The following NALCN variants were observed in gnomAD, a reference collection of about 807,000 sequenced individuals.
NALCN encodes the protein sodium leak channel NALCN.
A neutral mutation model predicts 225.3 loss-of-function variants in NALCN; 111 were observed. The ratio of observed to expected loss-of-function variants is 0.49; its 90% CI spans 0.42 to 0.58. The LOEUF is 0.58. Among genes scored for constraint, NALCN ranks in the 20% least tolerant of loss-of-function variants. The pLI, the probability that NALCN is intolerant of heterozygous loss-of-function variation, is 0.00. For synonymous variants in NALCN, 764 were observed against 769.0 expected (o/e 0.99, Z 0.11); for missense variants, 1,378 against 2,202.4 (o/e 0.63, Z 7.49).
chr13:101,310,659 A>T (rs1188943358), intron 7 of NALCN, among the ~76,000 whole-genome samples: 1 of 151,996 alleles, frequency 6.6e-6, no homozygotes, highest in Non-Finnish European at 1.5e-5. Context: ...CTTTGGTAGA[A>T]TTTGTCAACT....
intron 1 of NALCN, among the ~76,000 whole-genome samples, chr13:101,400,394 G>A (rs1327523267): frequency 6.6e-6 from 1 of 152,058 alleles, no homozygotes; most frequent in Admixed American, 6.5e-5. Context: ...AAAAAAAAGA[G>A]GCTGAGTCAG....
At chr13:101,387,173 A>T (rs1359098512) in intron 3 of NALCN, among the ~76,000 whole-genome samples, 1 of 133,906 alleles carries the variant, frequency 7.5e-6, no homozygotes, top group East Asian at 2.4e-4. Context: ...GTGAGCCGAG[A>T]TTGCGCCACT....
intron 6 of NALCN, among the ~76,000 whole-genome samples, chr13:101,369,312 T>G (rs572395263): frequency 1.3e-5 from 2 of 152,254 alleles, no homozygotes; most frequent in Admixed American, 1.3e-4. Flanking sequence ...AAATTTTTCA[T>G]GGTGAACTTC....
intron 39 of NALCN, 100 bp downstream of exon 39, chr13:101,067,818 C>G: frequency 1.2e-6 from 1 of 815,326 alleles, no homozygotes; most frequent in East Asian, 2.5e-5. Flanking sequence ...TTTAAAAATT[C>G]AATCTGTGTC....
At chr13:101,094,715 C>G (rs539301364) in intron 28 of NALCN, among the ~76,000 whole-genome samples, 1 of 151,938 alleles carries the variant, frequency 6.6e-6, no homozygotes, top group Non-Finnish European at 1.5e-5. Context: ...TATTGGATTA[C>G]GTATAAAAGC....
At chr13:101,222,171 A>G (rs2040965652) in intron 13 of NALCN, among the ~76,000 whole-genome samples, 1 of 152,118 alleles carries the variant, frequency 6.6e-6, no homozygotes, top group Non-Finnish European at 1.5e-5. Flanking sequence ...CATTTATAAA[A>G]TCTGGTCCCT....
At chr13:101,244,126 T>G (rs7984879) in intron 11 of NALCN, among the ~76,000 whole-genome samples, 50,986 of 117,796 alleles carry the variant, frequency 0.43, 11,851 homozygotes, top group Non-Finnish European at 0.48. Flanking sequence ...AGGCATTCAT[T>G]ACATCATCTC....
intron 7 of NALCN, among the ~76,000 whole-genome samples, chr13:101,305,493 T>G (rs2044125111): frequency 6.6e-6 from 1 of 152,214 alleles, no homozygotes; most frequent in Admixed American, 6.5e-5. Context: ...CCTATTTAAT[T>G]TTTCCAGCCT....
rs573098638 is a variant in NALCN at position 101,296,366 on chromosome 13, C to G, written c.800-4000G>C. ...ATTCTTCCTCAATATTAATACTGCA[C>G]AGATAATTTGGAAACTATTTTGTAG... On this transcript the variant is annotated intron_variant, in intron 7 of 43. Coordinates refer to ENST00000251127, the MANE Select transcript of NALCN (RefSeq NM_052867.4). Among the ~76,000 whole-genome samples the G allele has an allele frequency of 1.1e-4, 17 of 152,298 alleles. No individual in the cohort carries two copies. The East Asian group carries it at 3.3e-3, about 29-fold the overall frequency.
chr13:101,258,132 T>C (rs1162630661), intron 11 of NALCN, among the ~76,000 whole-genome samples: 2 of 152,068 alleles, frequency 1.3e-5, no homozygotes, highest in Admixed American at 6.6e-5. Flanking sequence ...AACAAACTAA[T>C]GTACGCTGAG....
chr13:101,211,322 C>T (rs1009976415), intron 13 of NALCN, among the ~76,000 whole-genome samples: 1 of 152,182 alleles, frequency 6.6e-6, no homozygotes. Context: ...AAAATAGGTT[C>T]TCCCTGAAAG....
intron 15 of NALCN, among the ~76,000 whole-genome samples, chr13:101,163,202 C>CTATA (rs35489402): frequency 0.068 from 10,252 of 150,824 alleles, 399 homozygotes; most frequent in East Asian, 0.13. Flanking sequence ...CATGCCTGGC[C>CTATA]TATATATATA....
chr13:101,117,049 C>A, intron 18 of NALCN: 1 of 473,348 alleles, frequency 2.1e-6, no homozygotes, highest in East Asian at 6.3e-5. Context: ...AGTGGATACC[C>A]CACTCCTTTG....
intron 10 of NALCN, among the ~76,000 whole-genome samples, chr13:101,266,198 T>C (rs764494550): frequency 2.6e-5 from 4 of 152,190 alleles, no homozygotes; most frequent in African/African-American, 7.2e-5. Flanking sequence ...ACTCTCATTA[T>C]TTCAGTCTTG....
chr13:101,323,776 CACATGTACTA>C (rs1471825324), intron 7 of NALCN, among the ~76,000 whole-genome samples: 23 of 152,188 alleles, frequency 1.5e-4, no homozygotes, highest in Non-Finnish European at 2.1e-4. Context: ...GGGAAACAGT[CACATGTACTA>C]ACATGTAAGT....
At chr13:101,399,302 A>C (rs767716710) in intron 1 of NALCN, 137 bp from the exon 2 acceptor site, 1 of 480,558 alleles carries the variant, frequency 2.1e-6, no homozygotes, top group Non-Finnish European at 3.6e-6. Context: ...ATATGAAAAT[A>C]GAAACTTTAA....
intron 6 of NALCN, among the ~76,000 whole-genome samples, chr13:101,345,737 A>AAAATATATATATATATATATATAT (rs2045700589): frequency 3.5e-5 from 3 of 86,654 alleles, no homozygotes; most frequent in Non-Finnish European, 6.4e-5. Context: ...CAGCAAAGAG[A>AAAATATATATATATATATATATAT]ATATATATAT....
At chr13:101,185,042 A>G (rs2039392073) in intron 14 of NALCN, among the ~76,000 whole-genome samples, 1 of 152,164 alleles carries the variant, frequency 6.6e-6, no homozygotes, top group Non-Finnish European at 1.5e-5. Context: ...GCAGGAATCA[A>G]TGTCCCACAC....
intron 15 of NALCN, among the ~76,000 whole-genome samples, chr13:101,147,605 T>G (rs2037417246): frequency 6.6e-6 from 1 of 152,158 alleles, no homozygotes. Flanking sequence ...GATCTTGCAA[T>G]GTTGCCCAGG....
Sources: gnomAD v4.1 joint callset for allele counts (sites outside exome capture counted in the v4.1 genomes callset) on GRCh38, gnomAD v4.1.1 for gene constraint, MANE v1.5 for transcripts, NCBI Gene and HGNC (gene_info 2026-07-23, HGNC 2026-07-21) for gene names.